ACAN: variants seen among roughly 807,000 people sequenced by gnomAD.
ACAN encodes the protein aggrecan core protein.
ACAN carries 47 observed loss-of-function variants against 169.1 expected under a neutral mutation model. The observed-to-expected ratio is 0.28, with a 90% CI of 0.22 to 0.35. ACAN has a LOEUF of 0.35. Ranked by LOEUF, ACAN falls within the 10% of genes least tolerant of loss-of-function variation. The probability of loss-of-function intolerance (pLI) is 1.00; values close to 1 mark genes in which losing one functional copy is unlikely to be tolerated. For synonymous variants in ACAN, 1,115 were observed against 1,112.2 expected, an observed-to-expected ratio of 1.00 and a Z score of -0.05; for missense variants, 2,716 against 2,759.9, an observed-to-expected ratio of 0.98 and a Z score of 0.36.
chr15:88,846,408 A>T (rs574141156), intron 7 of ACAN, among the ~76,000 whole-genome samples: 1 of 152,348 alleles, frequency 6.6e-6, no homozygotes, highest in East Asian at 1.9e-4. Context: ...AAAAGTCAAA[A>T]GAAAAATAAT....
intron 1 of ACAN, among the ~76,000 whole-genome samples, chr15:88,827,252 C>T (rs1596122418): frequency 6.6e-6 from 1 of 152,178 alleles, no homozygotes. Context: ...GCAGATTAGG[C>T]TCTTCCTTTA....
rs1270870334 is a variant in ACAN at position 88,849,611 on chromosome 15, A to G, written c.1906A>G (p.Ile636Val). Residue 636 changes from isoleucine to valine, a missense_variant, in exon 10 of 19, where the codon ATC (isoleucine) becomes GTC (valine). This residue lies in a region of ACAN where 1,283 missense variants were observed against 1,281.5 expected (regional missense o/e 1.00). Transcript: ENST00000560601. This position sits in a 1 kb window ranked among gnomAD's most constrained non-coding sequence, Gnocchi z 5.1. ...WLADGSLRYPIVTPRPACGGD... is the reference protein window; with the variant it reads ...WLADGSLRYPVVTPRPACGGD... Reference sequence around the variant, plus strand: ...GGCCGACGGCAGCCTCCGCTACCCCATCGTCACCCCAAGGCCTGCCTGCGG... The same window carrying G: ...GGCCGACGGCAGCCTCCGCTACCCCGTCGTCACCCCAAGGCCTGCCTGCGG... 2 of 1,611,480 alleles carry G rather than the reference A, an allele frequency of 1.2e-6. No individual in the cohort carries two copies. Among genetic ancestry groups the G allele is most frequent in the Non-Finnish European group, 1.7e-6 (2 of 1,179,202 alleles).
In ACAN at chr15:88,873,634, G is replaced by A. The variant is rs551317362; in HGVS notation, c.7448-208G>A. 1.6e-4 allele frequency: 95 copies of A among 589,200 alleles called. No homozygotes were observed. Among genetic ancestry groups the A allele is most frequent in the Middle Eastern group, 9.0e-4 (2 of 2,220 alleles). 36.5% of individuals were successfully genotyped at this position (589,200 alleles called of 1,614,324 possible). The stretch of plus-strand genomic sequence containing the variant: ...TCTTCATCCCTTTAAAGACCACCCC[G>A]TTTGTATTCCCTTCCTGCTGTTCTA... On this transcript the variant is annotated intron_variant, in intron 17 of 18. Coordinates refer to ENST00000560601, the MANE Select transcript of ACAN (RefSeq NM_001369268.1). This position sits in a 1 kb window ranked among gnomAD's most constrained non-coding sequence, Gnocchi z 7.5.
Position 88,838,823 on chromosome 15 carries a change from T to C in ACAN, c.231T>C (p.Arg77=). The C allele has an allele frequency of 6.2e-7, 1 of 1,613,936 alleles. No individual in the cohort carries two copies. Among genetic ancestry groups the C allele is most frequent in the Non-Finnish European group, 8.5e-7 (1 of 1,179,874 alleles). Residue 77 remains arginine, a synonymous_variant, in exon 3 of 19, where the codon CGT becomes CGC. Transcript: ENST00000560601. This position sits in a 1 kb window ranked among gnomAD's most constrained non-coding sequence, Gnocchi z 5.1. ...APLAPRIKWS[R]VSKEKEVVLL... is the part of the protein sequence containing the mutation. Reference sequence around the variant, plus strand: ...TGGCCCCAAGAATCAAGTGGAGCCGTGTGTCCAAGGAGAAGGAGGTAGTGC... The same window carrying C: ...TGGCCCCAAGAATCAAGTGGAGCCGCGTGTCCAAGGAGAAGGAGGTAGTGC...
At position 88,851,525 on chromosome 15, in the gene ACAN, C is replaced by T. The variant is rs1386795490; in HGVS notation, c.2027-269C>T. 6 of 377,922 alleles carry T rather than the reference C, an allele frequency of 1.6e-5. No homozygotes were observed. Among genetic ancestry groups the T allele is most frequent in the African/African-American group, 4.1e-5 (2 of 49,326 alleles). 23.4% of individuals were successfully genotyped at this position (377,922 alleles called of 1,614,324 possible). ...GTGAGATAAAGTGATTTTAGATACA[C>T]AAGGCTTTAGAGCAATGCCCGGCAT... On this transcript the variant is annotated intron_variant, in intron 10 of 18. Transcript: ENST00000560601. This position sits in a 1 kb window ranked among gnomAD's most constrained non-coding sequence, Gnocchi z 4.3.
chr15:88,858,836 C>G lies in ACAN; in HGVS notation c.6251C>G (p.Pro2084Arg), dbSNP rs775391979. ...GCTGGGGACATTAGTGGAGCTACCCCAGTGCTCCCTGGGTCTGGAGTAGAA... is the reference window on the plus strand; with the variant it reads ...GCTGGGGACATTAGTGGAGCTACCCGAGTGCTCCCTGGGTCTGGAGTAGAA... ...STAGDISGAT[P>R]VLPGSGVEVS... Residue 2084 changes from proline to arginine, a missense_variant, in exon 12 of 19, where the codon CCA (proline) becomes CGA (arginine). Physicochemically the swap from Pro to Arg is moderately radical, Grantham distance 103 (BLOSUM62 -2). Transcript: ENST00000560601. This position sits in a 1 kb window ranked among gnomAD's most constrained non-coding sequence, Gnocchi z 4.0. 1 of 1,613,666 alleles carries G rather than the reference C, an allele frequency of 6.2e-7. No homozygotes were observed. The highest frequency in any genetic ancestry group is 1.3e-5 in the African/African-American group (1 of 75,014).
chr15:88,804,478 A>T (rs1462634174), intron 1 of ACAN, among the ~76,000 whole-genome samples: 1 of 152,160 alleles, frequency 6.6e-6, no homozygotes, highest in Non-Finnish European at 1.5e-5. Context: ...TGCCCTGAAC[A>T]CACGGGTGTC....
At position 88,858,727 on chromosome 15, in the gene ACAN, C is replaced by G. The variant is rs201538650; in HGVS notation, c.6142C>G (p.Pro2048Ala). The part of the protein sequence containing the change: ...TSEFVEGVTE[P>A]TISQELGQRP... ...TGAGTTCGTGGAGGGTGTTACTGAA[C>G]CAACTATTTCTCAGGAACTAGGCCA... The change falls in exon 12 of 19, where the codon CCA (proline) becomes GCA (alanine). Residue 2048 changes from proline (P) to alanine (A), a missense_variant. Around this residue, in one of 3 missense-constraint regions of ACAN, gnomAD observed 1,389 missense variants for 1,363.7 expected, o/e 1.02. Coordinates refer to ENST00000560601, the MANE Select transcript of ACAN (RefSeq NM_001369268.1). The surrounding 1 kb of genome is among the most constrained non-coding windows in gnomAD (Gnocchi z 4.0). The G allele has an allele frequency of 7.1e-5, 115 of 1,613,810 alleles. No individual in the cohort carries two copies. The highest frequency in any genetic ancestry group is 3.3e-4 in the Middle Eastern group (2 of 6,082).
In ACAN at chr15:88,839,995, G is replaced by A. The variant is rs373215074; in HGVS notation, c.455-17G>A. The A allele has an allele frequency of 2.1e-4, 328 of 1,589,556 alleles. No individual in the cohort carries two copies. Among genetic ancestry groups the A allele is most frequent in the Middle Eastern group, 6.6e-4 (4 of 6,064 alleles). On this transcript the variant is annotated splice_polypyrimidine_tract_variant and intron_variant, in intron 3 of 18. Transcript: ENST00000560601. The surrounding 1 kb of genome is among the most constrained non-coding windows in gnomAD (Gnocchi z 4.5). ...CTGACCAGCTCTTCCGCTTGTGGGC[G>A]TGTATGTGTCTTGCAGGCATCGTGT...
At chr15:88,833,342 G>A (rs546211220) in intron 1 of ACAN, among the ~76,000 whole-genome samples, 74 of 152,140 alleles carry the variant, frequency 4.9e-4, no homozygotes, top group South Asian at 1.0e-3. Flanking sequence ...ACTCTCACCC[G>A]GCCTTCACCC....
At chr15:88,823,583 T>C (rs2141523152) in intron 1 of ACAN, among the ~76,000 whole-genome samples, 1 of 152,196 alleles carries the variant, frequency 6.6e-6, no homozygotes, top group Admixed American at 6.5e-5. Flanking sequence ...AGGCTGATGG[T>C]GTTCAGCCAA....
At chr15:88,865,026 G>T (rs780334826) in intron 13 of ACAN, among the ~76,000 whole-genome samples, 43 of 152,202 alleles carry the variant, frequency 2.8e-4, no homozygotes, top group Non-Finnish European at 5.4e-4. Context: ...CAAGGTGGAG[G>T]CCTGACGTCT....
At chr15:88,850,947 A>G (rs1896916652) in intron 10 of ACAN, 2 of 151,954 alleles carry the variant, frequency 1.3e-5, no homozygotes, top group Non-Finnish European at 2.9e-5. Context: ...CTGTCTCAAA[A>G]AAAAAAAAAA....
chr15:88,811,062 G>T (rs74876931), intron 1 of ACAN, among the ~76,000 whole-genome samples: 1 of 152,166 alleles, frequency 6.6e-6, no homozygotes, highest in African/African-American at 2.4e-5. Flanking sequence ...GCCTGAGACA[G>T]GGGCCCTTCC....
In ACAN at chr15:88,872,864, C is replaced by G. The variant is rs760824102; in HGVS notation, c.7303-17C>G. 6.2e-6 allele frequency: 10 copies of G among 1,612,750 alleles called. No homozygotes were observed. The highest frequency in any genetic ancestry group is 7.6e-6 in the Non-Finnish European group (9 of 1,179,802). Reference sequence around the variant, plus strand: ...TGTCCTGCCCTCTCCTTACTCCTTCCCCACTCCCACCCACAGCAATTTGAG... The same window carrying G: ...TGTCCTGCCCTCTCCTTACTCCTTCGCCACTCCCACCCACAGCAATTTGAG... On this transcript the variant is annotated splice_polypyrimidine_tract_variant and intron_variant, in intron 16 of 18. Coordinates refer to ENST00000560601, the MANE Select transcript of ACAN (RefSeq NM_001369268.1). This position sits in a 1 kb window ranked among gnomAD's most constrained non-coding sequence, Gnocchi z 5.4.
chr15:88,854,849 C>T lies in ACAN; in HGVS notation c.2267-3C>T. ...CTTCATCTTTCTTCCTTCTTTCCTA[C>T]AGGGATCCTTCCTACTTGGCCTCCC... On this transcript the variant is annotated splice_region_variant and splice_polypyrimidine_tract_variant and intron_variant, in intron 11 of 18. Transcript: ENST00000560601. 6.8e-7 allele frequency: 1 copy of T among 1,475,186 alleles called. No individual in the cohort carries two copies. The highest frequency in any genetic ancestry group is 2.5e-5 in the Admixed American group (1 of 40,142). 91.4% of individuals were successfully genotyped at this position (1,475,186 alleles called of 1,614,324 possible). A position where few individuals can be genotyped will look rare whatever the true frequency, so the allele number is the denominator to read the frequency against.
Position 88,858,066 on chromosome 15 carries a change from T to C in ACAN, c.5481T>C (p.Ser1827=), listed in dbSNP as rs780112267. 1.3e-5 allele frequency: 21 copies of C among 1,613,830 alleles called. No individual in the cohort carries two copies. The highest frequency in any genetic ancestry group is 8.5e-6 in the Non-Finnish European group (10 of 1,179,890). ...CCACGAGTGGCAGCGGTGAATCTTC[T>C]GGGATTACATTTGTGGACACCAGTT... is the stretch of plus-strand genomic sequence containing the variant. ...SGTTSGSGES[S]GITFVDTSLV... is the part of the protein sequence containing the mutation. The change falls in exon 12 of 19, where the codon TCT becomes TCC. Residue 1827 remains serine (S), a synonymous_variant. Transcript: ENST00000560601. The surrounding 1 kb of genome is among the most constrained non-coding windows in gnomAD (Gnocchi z 4.0).
Position 88,849,570 on chromosome 15 carries a change from G to A in ACAN, c.1865G>A (p.Cys622Tyr). Reference sequence around the variant, plus strand: ...GCCTGGAGCCGCGGCCTGGACAAGTGCTATGCCGGCTGGCTGGCCGACGGC... The same window carrying A: ...GCCTGGAGCCGCGGCCTGGACAAGTACTATGCCGGCTGGCTGGCCGACGGC... ...YAAWSRGLDK[C>Y]YAGWLADGSL... The change falls in exon 10 of 19, where the codon TGC becomes TAC. Residue 622 changes from cysteine (C) to tyrosine (Y), a missense_variant. Around this residue, in one of 3 missense-constraint regions of ACAN, gnomAD observed 1,283 missense variants for 1,281.5 expected, o/e 1.00. Transcript: ENST00000560601. The surrounding 1 kb of genome is among the most constrained non-coding windows in gnomAD (Gnocchi z 5.1). 6.2e-7 allele frequency: 1 copy of A among 1,607,670 alleles called. No individual in the cohort carries two copies. Among genetic ancestry groups the A allele is most frequent in the Non-Finnish European group, 8.5e-7 (1 of 1,177,416 alleles).
intron 1 of ACAN, among the ~76,000 whole-genome samples, chr15:88,833,142 C>A (rs4932434): frequency 0.047 from 7,194 of 152,264 alleles, 598 homozygotes; most frequent in East Asian, 0.36. Context: ...GCCAGGTAGA[C>A]AACCATGGGG....
Sources: allele counts gnomAD v4.1 joint callset (sites outside exome capture counted in the v4.1 genomes callset), GRCh38; gene constraint gnomAD v4.1.1; regional missense constraint gnomAD v4.1.1; non-coding constraint Gnocchi (gnomAD v3.1); transcripts MANE v1.5; gene names NCBI Gene and HGNC (gene_info 2026-07-23, HGNC 2026-07-21).